The following PSME2 variants were observed in gnomAD, a reference collection of about 807,000 sequenced individuals.
The protein encoded by PSME2 is proteasome activator subunit 2.
A neutral mutation model predicts 38.8 loss-of-function variants in PSME2; 20 were observed. The ratio of observed to expected loss-of-function variants is 0.52; its 90% CI spans 0.36 to 0.75. The LOEUF is 0.75. Ranked by LOEUF, PSME2 falls within the 30% of genes least tolerant of loss-of-function variation. PSME2 has a pLI of 0.00. For missense variants in PSME2, 227 were observed against 287.6 expected (o/e 0.79, Z 1.52); for synonymous variants, 82 against 102.5 (o/e 0.80, Z 1.21).
chr14:24,144,489 T>C, intron 6 of PSME2, 21 bp from the exon 7 acceptor site: 1 of 1,592,688 alleles, frequency 6.3e-7, no homozygotes, highest in Non-Finnish European at 8.6e-7. Context: ...AGGTATCATG[T>C]AAGAATCATT....
At position 24,143,740 on chromosome 14, in the gene PSME2, T is replaced by A. The variant is rs115198453; in HGVS notation, c.553-69A>T. On this transcript the variant is annotated intron_variant, in intron 9 of 10. Coordinates refer to ENST00000216802, the MANE Select transcript of PSME2 (RefSeq NM_002818.3). The surrounding 1 kb of genome is among the most constrained non-coding windows in gnomAD (Gnocchi z 4.4). ...GGGACATGAGTCTGGTTTCCTTTTA[T>A]AGGAAATAGGTTAACTTGAGAATGA... The A allele has an allele frequency of 4.1e-3, 6,160 of 1,491,234 alleles. 201 individuals are homozygous for A. In the African/African-American group the frequency reaches 0.071, roughly 17 times the overall value. 92.4% of individuals were successfully genotyped at this position (1,491,234 alleles called of 1,614,324 possible).
chr14:24,145,358 C>T, intron 4 of PSME2, 21 bp downstream of exon 4: 1 of 1,608,108 alleles, frequency 6.2e-7, no homozygotes, highest in Non-Finnish European at 8.5e-7. Context: ...TAGTCCAAGT[C>T]CTGCACCCTG....
At position 24,144,218 on chromosome 14, in the gene PSME2, C is replaced by T. The variant is rs1346031325; in HGVS notation, c.471G>A (p.Val157=). 6.2e-7 allele frequency: 1 copy of T among 1,614,228 alleles called. No individual in the cohort carries two copies. Among genetic ancestry groups the T allele is most frequent in the Admixed American group, 1.7e-5 (1 of 60,030 alleles). ...LERVNAVKTK[V]EAFQTTISKY... ...TGGAAATGGTTGTCTGGAAAGCTTC[C>T]ACTTTGGTCTTGACGGCATTCACCC... Residue 157 remains valine, a synonymous_variant, in exon 8 of 11, where the codon GTG becomes GTA. Transcript: ENST00000216802.
At chr14:24,146,266 T>C (rs1385953307) in intron 1 of PSME2, 26 bp from the exon 2 acceptor site, 2 of 1,613,324 alleles carry the variant, frequency 1.2e-6, no homozygotes, top group Non-Finnish European at 1.7e-6. Context: ...TACCCGGATG[T>C]TGGTTAAGGG....
intron 8 of PSME2, 53 bp from the exon 9 acceptor site, chr14:24,144,082 C>G: frequency 6.2e-7 from 1 of 1,610,954 alleles, no homozygotes; most frequent in Non-Finnish European, 8.5e-7. Flanking sequence ...AGATGTACTC[C>G]CTCAGACCCT....
Position 24,144,237 on chromosome 14 carries a change from T to C in PSME2, c.452A>G (p.Asn151Ser). 6.2e-7 allele frequency: 1 copy of C among 1,614,218 alleles called. No individual in the cohort carries two copies. The highest frequency in any genetic ancestry group is 8.5e-7 in the Non-Finnish European group (1 of 1,180,044). ...AIQEKVLERV[N>S]AVKTKVEAFQ... ...AGCTTCCACTTTGGTCTTGACGGCA[T>C]TCACCCTCTCCAGCACCTTCTCCTG... Residue 151 changes from asparagine (N) to serine (S), a missense_variant, in exon 8 of 11, where the codon AAT (asparagine) becomes AGT (serine). Around this residue, in one of 3 missense-constraint regions of PSME2, gnomAD observed 99 missense variants for 113.9 expected, o/e 0.87. Coordinates refer to ENST00000216802, the MANE Select transcript of PSME2 (RefSeq NM_002818.3).
chr14:24,144,662 A>C, intron 6 of PSME2, 194 bp from the exon 7 acceptor site: 1 of 633,158 alleles, frequency 1.6e-6, no homozygotes, highest in Non-Finnish European at 2.7e-6. Context: ...TAACAGATGA[A>C]AAAACTGAGT....
Position 24,146,219 on chromosome 14 carries a change from G to A in PSME2, c.70C>T (p.Leu24Phe). The change falls in exon 2 of 11, where the codon CTT becomes TTT. Residue 24 changes from leucine (L) to phenylalanine (F), a missense_variant. By Grantham distance (22) the Leu-to-Phe change is conservative. Around this residue, in one of 3 missense-constraint regions of PSME2, gnomAD observed 80 missense variants for 77.3 expected, o/e 1.04. Coordinates refer to ENST00000216802, the MANE Select transcript of PSME2 (RefSeq NM_002818.3). ...ATCCAGAGACTTACCTCCTGGAAAA[G>A]ATTCTGTCTGAAGACCTCCACCTAC... ...RKQVEVFRQNLFQEAEEFLYR... is the reference protein window; with the variant it reads ...RKQVEVFRQNFFQEAEEFLYR... 6.2e-7 allele frequency: 1 copy of A among 1,613,378 alleles called. No individual in the cohort carries two copies. Among genetic ancestry groups the A allele is most frequent in the South Asian group, 1.1e-5 (1 of 91,042 alleles).
rs115995538 is a variant in PSME2 at position 24,144,693 on chromosome 14, T to C, written c.361-225A>G. On this transcript the variant is annotated intron_variant, in intron 6 of 10. Transcript: ENST00000216802. ...TGAGTCACAGAATGTCTAAGTGACT[T>C]ACTTAAGGCTACCAGCTAGGTAACT... is the stretch of plus-strand genomic sequence containing the variant. 5.1e-3 allele frequency: 3,018 copies of C among 592,518 alleles called. 63 individuals carry two copies. Among genetic ancestry groups the C allele is most frequent in the African/African-American group, 0.044 (2,347 of 53,910 alleles). The allele number at this position is 592,518 out of a possible 1,614,324, so 36.7% of individuals were successfully genotyped here. A position where few individuals can be genotyped will look rare whatever the true frequency, so the allele number is the denominator to read the frequency against.
At position 24,143,407 on chromosome 14, in the gene PSME2, G is replaced by T; in HGVS notation, c.*2C>A. On this transcript the variant is annotated 3_prime_UTR_variant, in exon 11 of 11. Coordinates refer to ENST00000216802, the MANE Select transcript of PSME2 (RefSeq NM_002818.3). The surrounding 1 kb of genome is among the most constrained non-coding windows in gnomAD (Gnocchi z 4.4). ...TCATTTATTTTCCTTCTAGTCCCGG[G>T]TTCAGTACATAGATGGCTTTTCTTC... 1.2e-6 allele frequency: 2 copies of T among 1,609,926 alleles called. No homozygotes were observed. The highest frequency in any genetic ancestry group is 8.5e-7 in the Non-Finnish European group (1 of 1,176,218).
At chr14:24,146,035 G>T in intron 2 of PSME2, 173 bp downstream of exon 2, 1 of 876,190 alleles carries the variant, frequency 1.1e-6, no homozygotes, top group Middle Eastern at 2.2e-4. Context: ...AGAGTCATAA[G>T]AAAGGTCAGA....
chr14:24,146,504 ACCCC>A, intron 1 of PSME2, 26 bp downstream of exon 1: 1 of 1,613,424 alleles, frequency 6.2e-7, no homozygotes, highest in South Asian at 1.1e-5. Flanking sequence ...GGGTTCTATG[ACCCC>A]TTCCTGGCCT....
chr14:24,145,210 A>AC (rs2038131923), intron 5 of PSME2, 33 bp downstream of exon 5: 1 of 1,612,714 alleles, frequency 6.2e-7, no homozygotes. Context: ...GTGTGCCATC[A>AC]CCCCTTCCCT....
chr14:24,146,051 G>A, intron 2 of PSME2, 157 bp downstream of exon 2: 1 of 930,180 alleles, frequency 1.1e-6, no homozygotes, highest in South Asian at 1.4e-5. Flanking sequence ...TCAGATTAAA[G>A]GTAGCTATCA....
Position 24,146,214 on chromosome 14 carries a change from GAA to G in PSME2, c.73_74del (p.Phe25ProfsTer4). 6.2e-7 allele frequency: 1 copy of G among 1,612,576 alleles called. No homozygotes were observed. The highest frequency in any genetic ancestry group is 8.5e-7 in the Non-Finnish European group (1 of 1,179,312). ...KQVEVFRQNLFQEAEEFLYRF... is the reference protein window; with the variant it reads ...KQVEVFRQNLXQEAEEFLYRF... ...CTCAAATCCAGAGACTTACCTCCTG[GAA>G]AAGATTCTGTCTGAAGACCTCCACC... is the stretch of plus-strand genomic sequence containing the variant. On this transcript the variant is annotated frameshift_variant, in exon 2 of 11. Coordinates refer to ENST00000216802, the MANE Select transcript of PSME2 (RefSeq NM_002818.3). LOFTEE classifies it high-confidence loss of function.
chr14:24,145,535 T>A, intron 3 of PSME2, 70 bp from the exon 4 acceptor site: 2 of 1,490,246 alleles, frequency 1.3e-6, no homozygotes, highest in Admixed American at 3.8e-5. Context: ...CTTCCCTCCA[T>A]ACATCCCACT....
rs1555346821 is a variant in PSME2, at chr14:24,145,232, A to C, written c.262+11T>G. On this transcript the variant is annotated intron_variant, in intron 5 of 10. Transcript: ENST00000216802. ...ATCACCCCTTCCCTAGTCACCTCTT[A>C]TCTCTCTTACCTTCTTTCTTCTCCT... The C allele has an allele frequency of 1.2e-6, 2 of 1,613,740 alleles. No individual in the cohort carries two copies. Among genetic ancestry groups the C allele is most frequent in the African/African-American group, 1.3e-5 (1 of 74,902 alleles).
intron 6 of PSME2, chr14:24,144,842 G>T: frequency 1.7e-6 from 1 of 601,308 alleles, no homozygotes; most frequent in Non-Finnish European, 2.9e-6. Context: ...TGAGGTTACA[G>T]AGTGGATACT....
At chr14:24,144,578 A>ATTG in intron 6 of PSME2, 110 bp from the exon 7 acceptor site, 1 of 996,228 alleles carries the variant, frequency 1.0e-6, no homozygotes, top group Non-Finnish European at 1.6e-6. Flanking sequence ...ATTACATACC[A>ATTG]GGTACTGTGC....
Sources: allele counts gnomAD v4.1 joint callset, GRCh38; gene constraint gnomAD v4.1.1; regional missense constraint gnomAD v4.1.1; non-coding constraint Gnocchi (gnomAD v3.1); transcripts MANE v1.5; gene names NCBI Gene and HGNC (gene_info 2026-07-23, HGNC 2026-07-21).